The following SLIT2 variants were observed in gnomAD, a reference collection of about 807,000 sequenced individuals.
SLIT2 encodes the protein slit guidance ligand 2, also known as slit homolog 2 protein.
In SLIT2, 41 loss-of-function variants were observed where a neutral mutation model predicts 185.7. The observed-to-expected ratio is 0.22, with a 90% confidence interval of 0.17 to 0.29. SLIT2 has a LOEUF of 0.29. Among genes scored for constraint, SLIT2 ranks in the 10% least tolerant of loss-of-function variants. The probability of loss-of-function intolerance (pLI) is 1.00; values close to 1 mark genes in which losing one functional copy is unlikely to be tolerated. For missense variants in SLIT2, 1,571 were observed against 1,909.0 expected, an observed-to-expected ratio of 0.82 and a Z score of 3.30; for synonymous variants, 693 against 680.2, an observed-to-expected ratio of 1.02 and a Z score of -0.29.
In SLIT2 at chr4:20,618,842, A is replaced by G. The variant is rs780483649; in HGVS notation, c.4423A>G (p.Lys1475Glu). 3.1e-6 allele frequency: 5 copies of G among 1,614,126 alleles called. No homozygotes were observed. Among genetic ancestry groups the G allele is most frequent in the Non-Finnish European group, 4.2e-6 (5 of 1,179,994 alleles). ...QQGYAACQTT[K>E]KVSRLECRGG... The stretch of plus-strand genomic sequence containing the variant: ...GGGCTATGCTGCTTGCCAAACAACC[A>G]AGAAGGTGTCCCGATTAGAGTGCAG... Residue 1475 changes from lysine (K) to glutamate (E), a missense_variant, in exon 37 of 37, where the codon AAG (lysine) becomes GAG (glutamate). This residue lies in a region of SLIT2 where 223 missense variants were observed against 245.2 expected (regional missense o/e 0.91). Transcript: ENST00000504154.
chr4:20,319,394 C>T (rs768049008), intron 4 of SLIT2, among the ~76,000 whole-genome samples: 15 of 152,094 alleles, frequency 9.9e-5, no homozygotes, highest in South Asian at 4.2e-4. Flanking sequence ...ACTATAAAAT[C>T]GCCCATGTTT....
At chr4:20,398,821 T>C (rs1226806730) in intron 4 of SLIT2, among the ~76,000 whole-genome samples, 1 of 151,840 alleles carries the variant, frequency 6.6e-6, no homozygotes, top group Non-Finnish European at 1.5e-5. Context: ...TTTGTTAACA[T>C]TTGTGATATA....
In SLIT2 at chr4:20,554,758, G is replaced by T. The variant is rs188009374; in HGVS notation, c.2725+790G>T. Among the ~76,000 whole-genome samples, 1,174 of 149,526 alleles carry T rather than the reference G, an allele frequency of 7.9e-3. 11 individuals carry two copies. Among genetic ancestry groups the T allele is most frequent in the Middle Eastern group, 0.017 (5 of 288 alleles). On this transcript the variant is annotated intron_variant, in intron 26 of 36. Transcript: ENST00000504154. ...ATTGTGGGGTTTTGGGGGGGCTTTTGTTTTGTTTTTTTTTTGTTTGTTTGA... is the reference window on the plus strand; with the variant it reads ...ATTGTGGGGTTTTGGGGGGGCTTTTTTTTTGTTTTTTTTTTGTTTGTTTGA...
At chr4:20,341,580 A>T (rs1486515006) in intron 4 of SLIT2, among the ~76,000 whole-genome samples, 3 of 152,208 alleles carry the variant, frequency 2.0e-5, no homozygotes, top group Non-Finnish European at 4.4e-5. Flanking sequence ...AATCTAGTGG[A>T]ACACCACTGA....
chr4:20,362,139 G>A (rs1722789435), intron 4 of SLIT2, among the ~76,000 whole-genome samples: 1 of 152,050 alleles, frequency 6.6e-6, no homozygotes, highest in Non-Finnish European at 1.5e-5. Flanking sequence ...TTCCTGCGCT[G>A]GATGGCCTTT....
At chr4:20,467,104 C>T (rs1714443211) in intron 4 of SLIT2, among the ~76,000 whole-genome samples, 1 of 152,052 alleles carries the variant, frequency 6.6e-6, no homozygotes, top group South Asian at 2.1e-4. Context: ...ATGTATTTCT[C>T]AATTAAATTA....
intron 5 of SLIT2, among the ~76,000 whole-genome samples, chr4:20,475,749 GT>G (rs1383706686): frequency 6.6e-6 from 1 of 152,014 alleles, no homozygotes; most frequent in Non-Finnish European, 1.5e-5. Context: ...CTTTTGATTA[GT>G]TCACTTACAA....
rs139638354 is a variant in SLIT2 at position 20,285,603 on chromosome 4, C to A, written c.395+16722C>A. On this transcript the variant is annotated intron_variant, in intron 4 of 36. Transcript: ENST00000504154. ...GTCTTGCTCTGTTATGCAGGGAGTG[C>A]AGTGGTGTGATCTCAGCTCACTGCA... 5.2e-3 allele frequency among the ~76,000 whole-genome samples: 798 copies of A among 152,230 alleles called. 28 individuals carry two copies. Among genetic ancestry groups the A allele is most frequent in the Non-Finnish European group, 1.8e-3 (125 of 68,018 alleles).
chr4:20,323,005 A>C (rs1196094786), intron 4 of SLIT2, among the ~76,000 whole-genome samples: 1 of 152,194 alleles, frequency 6.6e-6, no homozygotes, highest in African/African-American at 2.4e-5. Flanking sequence ...ATATGTCATT[A>C]GATCCTCATC....
intron 4 of SLIT2, among the ~76,000 whole-genome samples, chr4:20,378,880 C>G (rs1724247332): frequency 6.6e-6 from 1 of 152,054 alleles, no homozygotes; most frequent in Non-Finnish European, 1.5e-5. Context: ...TGAGGTACAT[C>G]TAAGCAATGG....
intron 5 of SLIT2, among the ~76,000 whole-genome samples, chr4:20,468,215 A>G (rs985460881): frequency 1.3e-5 from 2 of 152,070 alleles, no homozygotes; most frequent in Admixed American, 6.6e-5. Flanking sequence ...CAGTTCTGCC[A>G]TGTTCCATTT....
intron 9 of SLIT2, among the ~76,000 whole-genome samples, chr4:20,492,106 A>T (rs560068085): frequency 2.0e-4 from 30 of 152,326 alleles, no homozygotes; most frequent in Middle Eastern, 3.4e-3. Context: ...CCACAGATAG[A>T]ATTAAAAGGA....
intron 4 of SLIT2, among the ~76,000 whole-genome samples, chr4:20,360,938 C>T (rs1722685985): frequency 6.6e-6 from 1 of 152,048 alleles, no homozygotes; most frequent in African/African-American, 2.4e-5. Flanking sequence ...CCTTGTTTTG[C>T]AAACAAACAA....
chr4:20,362,593 AT>A (rs1218706955), intron 4 of SLIT2, among the ~76,000 whole-genome samples: 1 of 151,722 alleles, frequency 6.6e-6, no homozygotes, highest in African/African-American at 2.4e-5. Context: ...AATTATATAA[AT>A]TTTTATATTC....
intron 6 of SLIT2, 100 bp downstream of exon 6, chr4:20,480,887 A>T (rs1716631635): frequency 2.3e-6 from 2 of 859,084 alleles, no homozygotes; most frequent in Admixed American, 1.9e-5. Flanking sequence ...TGTTGTCAAA[A>T]TAGTCTCTCA....
intron 9 of SLIT2, among the ~76,000 whole-genome samples, chr4:20,503,499 G>A (rs2148816075): frequency 6.6e-6 from 1 of 152,064 alleles, no homozygotes; most frequent in South Asian, 2.1e-4. Context: ...ATATATATAT[G>A]AAAACATAAT....
In SLIT2 at chr4:20,463,986, CT is replaced by C. The variant is rs540419888; in HGVS notation, c.396-3765del. 6.1e-4 allele frequency among the ~76,000 whole-genome samples: 93 copies of C among 152,208 alleles called. 1 individual carries two copies. Among genetic ancestry groups the C allele is most frequent in the African/African-American group, 2.1e-3 (88 of 41,532 alleles). ...CTCTCATCTAACTTCAGAGTGACCC[CT>C]GTGACCTCTCTGTCCCTTACCTAAT... On this transcript the variant is annotated intron_variant, in intron 4 of 36. Coordinates refer to ENST00000504154, the MANE Select transcript of SLIT2 (RefSeq NM_004787.4).
At chr4:20,313,941 A>G (rs1017796707) in intron 4 of SLIT2, among the ~76,000 whole-genome samples, 1 of 152,172 alleles carries the variant, frequency 6.6e-6, no homozygotes, top group Admixed American at 6.5e-5. Flanking sequence ...CCTGTGTTAA[A>G]GTCATGTTCT....
intron 4 of SLIT2, among the ~76,000 whole-genome samples, chr4:20,373,800 G>A (rs572535302): frequency 1.3e-5 from 2 of 152,178 alleles, no homozygotes; most frequent in Admixed American, 1.3e-4. Flanking sequence ...ATAATACTCT[G>A]TGGTGTTTCT....
Sources: allele counts gnomAD v4.1 joint callset (sites outside exome capture counted in the v4.1 genomes callset), GRCh38; gene constraint gnomAD v4.1.1; regional missense constraint gnomAD v4.1.1; transcripts MANE v1.5; gene names NCBI Gene and HGNC (gene_info 2026-07-23, HGNC 2026-07-21).